The following SH2D3C variants were observed in gnomAD, a reference collection of about 807,000 sequenced individuals.
SH2D3C encodes the protein SH2 domain-containing protein 3C.
In SH2D3C, 25 loss-of-function variants were observed where a neutral mutation model predicts 75.2. The ratio of observed to expected loss-of-function variants is 0.33; its 90% CI spans 0.24 to 0.46. The LOEUF (loss-of-function observed/expected upper bound fraction) is 0.46. Among genes scored for constraint, SH2D3C ranks in the 20% least tolerant of loss-of-function variants. The pLI is 1.00. For missense variants in SH2D3C, 933 were observed against 1,165.3 expected (o/e 0.80, Z 2.90); for synonymous variants, 450 against 473.7 (o/e 0.95, Z 0.65).
At chr9:127,776,080 C>T (rs1156692466) in intron 1 of SH2D3C, among the ~76,000 whole-genome samples, 5 of 152,126 alleles carry the variant, frequency 3.3e-5, no homozygotes, top group Admixed American at 6.5e-5. Context: ...CCACCCACCT[C>T]GGCCTCCCAA....
In SH2D3C at chr9:127,774,384, T is replaced by C. The variant is rs1236271823; in HGVS notation, c.121A>G (p.Arg41Gly). 1 of 1,613,678 alleles carries C rather than the reference T, an allele frequency of 6.2e-7. No homozygotes were observed. Among genetic ancestry groups the C allele is most frequent in the Non-Finnish European group, 8.5e-7 (1 of 1,179,732 alleles). The part of the protein sequence containing the change: ...TLRRSSASIS[R>G]QSHLEPDTFE... ...GTGTCAGGCTCCAAATGGGACTGCC[T>C]ACTGATGGAAGCTGAGGATCGTCTC... Residue 41 changes from arginine (R) to glycine (G), a missense_variant, in exon 2 of 12, where the codon AGG (arginine) becomes GGG (glycine). Transcript: ENST00000314830. The surrounding 1 kb of genome is among the most constrained non-coding windows in gnomAD (Gnocchi z 4.3).
rs1307270248 is a variant in SH2D3C, at chr9:127,768,074, A to G, written c.515+5916T>C. ...TCAAGGACTGTGAGAAAGTCTCCAC[A>G]GGAAATGAGAGCCGGGAGCAGCTGG... On this transcript the variant is annotated intron_variant, in intron 2 of 11. Transcript: ENST00000314830. Among the ~76,000 whole-genome samples, 4 of 152,200 alleles carry G rather than the reference A, an allele frequency of 2.6e-5. No individual in the cohort carries two copies. The South Asian group carries it at 8.3e-4, about 32-fold the overall frequency.
At position 127,738,433 on chromosome 9, in the gene SH2D3C, C is replaced by CA. The variant is rs1343327945; in HGVS notation, c.*312dup. The CA allele has an allele frequency of 4.0e-6, 1 of 249,638 alleles. No homozygotes were observed. The highest frequency in any genetic ancestry group is 2.2e-5 in the African/African-American group (1 of 44,490). The allele number at this position is 249,638 out of a possible 1,614,324, so 15.5% of individuals were successfully genotyped here. On this transcript the variant is annotated 3_prime_UTR_variant, in exon 12 of 12. Coordinates refer to ENST00000314830, the MANE Select transcript of SH2D3C (RefSeq NM_170600.3). This position sits in a 1 kb window ranked among gnomAD's most constrained non-coding sequence, Gnocchi z 5.0. ...GGCCTTGGTGTTGGTGAGGGACAGA[C>CA]AGAGAGTGAGGAGGCGTGAGCAGCC... is the stretch of plus-strand genomic sequence containing the variant.
At chr9:127,770,414 G>A (rs1248552790) in intron 2 of SH2D3C, among the ~76,000 whole-genome samples, 1 of 152,166 alleles carries the variant, frequency 6.6e-6, no homozygotes, top group Non-Finnish European at 1.5e-5. Context: ...AAACTGAATG[G>A]ATCCTCAGAG....
At chr9:127,750,403 C>T (rs1218580830) in intron 4 of SH2D3C, among the ~76,000 whole-genome samples, 1 of 152,174 alleles carries the variant, frequency 6.6e-6, no homozygotes, top group South Asian at 2.1e-4. Flanking sequence ...GATCTGCCCA[C>T]CTCAGCCTCC....
intron 6 of SH2D3C, among the ~76,000 whole-genome samples, chr9:127,746,248 C>T (rs1012503561): frequency 3.3e-5 from 5 of 152,174 alleles, no homozygotes; most frequent in African/African-American, 9.7e-5. Context: ...TTGTGACAAC[C>T]GATACAGACA....
intron 3 of SH2D3C, among the ~76,000 whole-genome samples, chr9:127,752,239 T>C (rs1414552906): frequency 6.6e-6 from 1 of 152,172 alleles, no homozygotes; most frequent in Non-Finnish European, 1.5e-5. Flanking sequence ...GGCTGTGCCT[T>C]GTGAGCTCTC....
At chr9:127,752,824 G>C (rs1239815913) in intron 3 of SH2D3C, among the ~76,000 whole-genome samples, 1 of 152,134 alleles carries the variant, frequency 6.6e-6, no homozygotes, top group Non-Finnish European at 1.5e-5. Context: ...ATCAATTCCA[G>C]GTTTCCTGAA....
At chr9:127,764,427 G>A (rs918462016) in intron 2 of SH2D3C, among the ~76,000 whole-genome samples, 13 of 152,074 alleles carry the variant, frequency 8.5e-5, no homozygotes, top group Admixed American at 3.9e-4. Flanking sequence ...TATTCTCCCC[G>A]CACAGCAGCC....
chr9:127,774,161 G>T lies in SH2D3C; in HGVS notation c.344C>A (p.Pro115Gln). ...CACCTCTTTGGCTGCCTCCAAGCCT[G>T]GGGGGTCGGGTACACCTCCGGGTAC... Reference protein sequence around the residue: ...NLVPGGVPDPPGLEAAKEVMV... With the variant: ...NLVPGGVPDPQGLEAAKEVMV... Residue 115 changes from proline (P) to glutamine (Q), a missense_variant, in exon 2 of 12, where the codon CCA (proline) becomes CAA (glutamine). Coordinates refer to ENST00000314830, the MANE Select transcript of SH2D3C (RefSeq NM_170600.3). The surrounding 1 kb of genome is among the most constrained non-coding windows in gnomAD (Gnocchi z 4.3). The T allele has an allele frequency of 1.2e-6, 2 of 1,614,020 alleles. No homozygotes were observed. The highest frequency in any genetic ancestry group is 1.7e-6 in the Non-Finnish European group (2 of 1,179,936).
intron 1 of SH2D3C, among the ~76,000 whole-genome samples, chr9:127,777,897 G>C (rs1829054690): frequency 6.6e-6 from 1 of 151,576 alleles, no homozygotes; most frequent in Non-Finnish European, 1.5e-5. Context: ...AGGATCGCTT[G>C]AGCCCAGGAG....
At chr9:127,768,130 A>G (rs1447912794) in intron 2 of SH2D3C, among the ~76,000 whole-genome samples, 1 of 152,208 alleles carries the variant, frequency 6.6e-6, no homozygotes, top group Non-Finnish European at 1.5e-5. Context: ...CTAGCCTCCC[A>G]GAGTCTGAAG....
chr9:127,762,172 TGACTGCGG>T, intron 2 of SH2D3C: 1 of 1,182,374 alleles, frequency 8.5e-7, no homozygotes, highest in Non-Finnish European at 1.1e-6. Flanking sequence ...ACTGCCCAGC[TGACTGCGG>T]AGCCACTGCC....
chr9:127,761,528 A>G, intron 3 of SH2D3C, 83 bp downstream of exon 3: 1 of 981,000 alleles, frequency 1.0e-6, no homozygotes, highest in Non-Finnish European at 1.6e-6. Flanking sequence ...ACAAGGCTTG[A>G]GGAAGGGCTC....
In SH2D3C at chr9:127,761,630, G is replaced by C. The variant is rs755324244; in HGVS notation, c.536C>G (p.Ala179Gly). Reference protein sequence around the residue: ...HSERAAGEPEAGSDYVKFSKE... With the variant: ...HSERAAGEPEGGSDYVKFSKE... Reference sequence around the variant, plus strand: ...TCCTACCTTCACATAGTCGCTGCCAGCCTCTGGCTCTCCAGCAGCCCTGGA... The same window carrying C: ...TCCTACCTTCACATAGTCGCTGCCACCCTCTGGCTCTCCAGCAGCCCTGGA... The change falls in exon 3 of 12, where the codon GCT (alanine) becomes GGT (glycine). Residue 179 changes from alanine (A) to glycine (G), a missense_variant. Physicochemically the swap from Ala to Gly is moderately conservative, Grantham distance 60. Transcript: ENST00000314830. The C allele has an allele frequency of 6.2e-7, 1 of 1,612,262 alleles. No homozygotes were observed. The highest frequency in any genetic ancestry group is 1.3e-5 in the African/African-American group (1 of 74,972).
At chr9:127,759,774 G>A (rs1845481752) in intron 3 of SH2D3C, among the ~76,000 whole-genome samples, 2 of 152,062 alleles carry the variant, frequency 1.3e-5, no homozygotes. Context: ...ACGAAGTCAG[G>A]AGATCAAGAC....
rs924449010 is a variant in SH2D3C at position 127,740,478 on chromosome 9, C to G, written c.2089-109G>C. On this transcript the variant is annotated intron_variant, in intron 9 of 11. Coordinates refer to ENST00000314830, the MANE Select transcript of SH2D3C (RefSeq NM_170600.3). ...TGTGGGATCGTTATTATTATTATGGCCATCCTTCATGTACCAGGGACAGTG... is the reference window on the plus strand; with the variant it reads ...TGTGGGATCGTTATTATTATTATGGGCATCCTTCATGTACCAGGGACAGTG... The G allele has an allele frequency of 9.9e-6, 7 of 705,216 alleles. No individual in the cohort carries two copies. In the African/African-American group the frequency reaches 1.1e-4, roughly 11 times the overall value. 43.7% of individuals were successfully genotyped at this position (705,216 alleles called of 1,614,324 possible).
chr9:127,741,773 C>A lies in SH2D3C; in HGVS notation c.2088+15G>T. ...GACAGTCTACCGGGTGCCAGCTCTGCGCGGCTCTCAGTACCTGGGCCATGT... is the reference window on the plus strand; with the variant it reads ...GACAGTCTACCGGGTGCCAGCTCTGAGCGGCTCTCAGTACCTGGGCCATGT... On this transcript the variant is annotated intron_variant, in intron 9 of 11. Transcript: ENST00000314830. 6.2e-7 allele frequency: 1 copy of A among 1,611,482 alleles called. No individual in the cohort carries two copies. Among genetic ancestry groups the A allele is most frequent in the South Asian group, 1.1e-5 (1 of 90,824 alleles).
intron 2 of SH2D3C, chr9:127,767,353 A>G (rs1313520523): frequency 3.5e-6 from 5 of 1,426,026 alleles, no homozygotes; most frequent in Non-Finnish European, 3.7e-6. Context: ...GCCCCATTTT[A>G]CAGGGGAGAA....
Sources: allele counts gnomAD v4.1 joint callset (sites outside exome capture counted in the v4.1 genomes callset), GRCh38; gene constraint gnomAD v4.1.1; non-coding constraint Gnocchi (gnomAD v3.1); transcripts MANE v1.5; gene names NCBI Gene and HGNC (gene_info 2026-07-23, HGNC 2026-07-21).